Variants in PMPCA observed in about 807,000 individuals in gnomAD.
PMPCA encodes mitochondrial-processing peptidase subunit alpha.
Under a neutral mutation model 59.3 loss-of-function variants are expected in PMPCA, and 47 were observed. The ratio of observed to expected loss-of-function variants is 0.79; its 90% confidence interval spans 0.63 to 1.01. The LOEUF (loss-of-function observed/expected upper bound fraction) is 1.01. PMPCA is among the 50% of genes least tolerant of loss of function. The probability of loss-of-function intolerance (pLI) is 0.00; values close to 1 mark genes in which losing one functional copy is unlikely to be tolerated. For synonymous variants in PMPCA, 338 were observed against 290.3 expected, an observed-to-expected ratio of 1.16 and a Z score of -1.67; for missense variants, 726 against 704.5, an observed-to-expected ratio of 1.03 and a Z score of -0.34.
Position 136,419,091 on chromosome 9 carries a change from C to T in PMPCA, c.1248C>T (p.Gly416=), listed in dbSNP as rs759474079. ...EIITKEFILM[G]GTVDTVELER... ...TCACAAAGGAGTTTATTTTAATGGG[C>T]GGAACCGTGGACACGGTAAGTGCAG... Residue 416 remains glycine, a synonymous_variant, in exon 11 of 13, where the codon GGC becomes GGT. Coordinates refer to ENST00000371717, the MANE Select transcript of PMPCA (RefSeq NM_015160.3). 5.0e-5 allele frequency: 81 copies of T among 1,613,488 alleles called. 1 individual carries two copies. The highest frequency in any genetic ancestry group is 4.9e-4 in the Middle Eastern group (3 of 6,084).
At chr9:136,418,345 A>G (rs1835342639) in intron 8 of PMPCA, among the ~76,000 whole-genome samples, 1 of 150,136 alleles carries the variant, frequency 6.7e-6, no homozygotes, top group Non-Finnish European at 1.5e-5. Flanking sequence ...TGGGTGGCTC[A>G]GCTAGCTCTG....
intron 3 of PMPCA, 61 bp from the exon 4 acceptor site, chr9:136,412,749 A>C: frequency 9.3e-7 from 1 of 1,072,830 alleles, no homozygotes; most frequent in Non-Finnish European, 1.4e-6. Flanking sequence ...TTTTAAAAAA[A>C]AATTGTGTTT....
Position 136,410,663 on chromosome 9 carries a change from C to A in PMPCA, c.-6C>A. On this transcript the variant is annotated 5_prime_UTR_variant, in exon 1 of 13. Coordinates refer to ENST00000371717, the MANE Select transcript of PMPCA (RefSeq NM_015160.3). ...AGTGACGACTGAAGCGGGGCGGAGACGCAAGATGGCGGCTGTGGTGCTGGC... is the reference window on the plus strand; with the variant it reads ...AGTGACGACTGAAGCGGGGCGGAGAAGCAAGATGGCGGCTGTGGTGCTGGC... 7.1e-7 allele frequency: 1 copy of A among 1,399,448 alleles called. No homozygotes were observed. The highest frequency in any genetic ancestry group is 9.3e-7 in the Non-Finnish European group (1 of 1,077,208). The allele number at this position is 1,399,448 out of a possible 1,614,324, so 86.7% of individuals were successfully genotyped here. A position where few individuals can be genotyped will look rare whatever the true frequency, so the allele number is the denominator to read the frequency against.
intron 1 of PMPCA, chr9:136,411,207 T>A (rs1835098379): frequency 6.4e-6 from 1 of 156,844 alleles, no homozygotes; most frequent in Non-Finnish European, 1.4e-5. Context: ...GGCCTGCCTT[T>A]CCCCACGCTG....
intron 11 of PMPCA, 175 bp downstream of exon 11, chr9:136,419,281 C>T: frequency 2.9e-6 from 2 of 694,882 alleles, no homozygotes; most frequent in Admixed American, 4.3e-5. Flanking sequence ...AGCTGCTCCA[C>T]CTGGGAGCCC....
intron 5 of PMPCA, among the ~76,000 whole-genome samples, chr9:136,414,918 T>G (rs966440524): frequency 1.3e-5 from 2 of 151,398 alleles, no homozygotes; most frequent in African/African-American, 2.4e-5. Flanking sequence ...AAACCCTGTC[T>G]CTACAAAAAA....
In PMPCA at chr9:136,414,060, T is replaced by A. The variant is rs564332710; in HGVS notation, c.438-493T>A. Among the ~76,000 whole-genome samples, 187 of 152,312 alleles carry A rather than the reference T, an allele frequency of 1.2e-3. No individual in the cohort carries two copies. The Middle Eastern group carries it at 0.017, about 14-fold the overall frequency. ...AGATGTTACAGTGAGACAAGCTCCA[T>A]ACGAGCCAGCCATTGCTGTCCCCCA... On this transcript the variant is annotated intron_variant, in intron 4 of 12. Coordinates refer to ENST00000371717, the MANE Select transcript of PMPCA (RefSeq NM_015160.3).
Position 136,410,668 on chromosome 9 carries a change from G to T in PMPCA, c.-1G>T. The stretch of plus-strand genomic sequence containing the variant: ...CGACTGAAGCGGGGCGGAGACGCAA[G>T]ATGGCGGCTGTGGTGCTGGCGGCGA... On this transcript the variant is annotated 5_prime_UTR_variant, in exon 1 of 13. Coordinates refer to ENST00000371717, the MANE Select transcript of PMPCA (RefSeq NM_015160.3). 3 of 1,404,844 alleles carry T rather than the reference G, an allele frequency of 2.1e-6. No individual in the cohort carries two copies. The highest frequency in any genetic ancestry group is 2.8e-6 in the Non-Finnish European group (3 of 1,080,328). 87.0% of individuals were successfully genotyped at this position (1,404,844 alleles called of 1,614,324 possible). A position where few individuals can be genotyped will look rare whatever the true frequency, so the allele number is the denominator to read the frequency against.
Position 136,418,123 on chromosome 9 carries a change from C to T in PMPCA, c.990+14C>T, listed in dbSNP as rs527343305. ...TGCTCCTTCCTGGTGAGTCCTGGTGCTGGGTCTGATGGCGTTCCTGATGCA... is the reference window on the plus strand; with the variant it reads ...TGCTCCTTCCTGGTGAGTCCTGGTGTTGGGTCTGATGGCGTTCCTGATGCA... On this transcript the variant is annotated intron_variant, in intron 8 of 12. Coordinates refer to ENST00000371717, the MANE Select transcript of PMPCA (RefSeq NM_015160.3). 6.3e-7 allele frequency: 1 copy of T among 1,582,558 alleles called. No individual in the cohort carries two copies. The highest frequency in any genetic ancestry group is 8.7e-7 in the Non-Finnish European group (1 of 1,151,094).
chr9:136,418,149 G>A (rs1199283519), intron 8 of PMPCA, 40 bp downstream of exon 8: 13 of 1,426,708 alleles, frequency 9.1e-6, no homozygotes, highest in Non-Finnish European at 1.3e-5. Context: ...TCCTGATGCA[G>A]TGTGGCCGGC....
rs753411469 is a variant in PMPCA at position 136,410,730 on chromosome 9, C to T, written c.62C>T (p.Ser21Leu). ...LLRGSGSWGC[S>L]RLRFGPPAYR... ...CGGGGCTCGGGTTCTTGGGGCTGTT[C>T]GCGGCTGAGGTGAGCCAAAGGCGAA... Residue 21 changes from serine to leucine, a missense_variant, in exon 1 of 13, where the codon TCG (serine) becomes TTG (leucine). Physicochemically the swap from Ser to Leu is moderately radical, Grantham distance 145. Coordinates refer to ENST00000371717, the MANE Select transcript of PMPCA (RefSeq NM_015160.3). The T allele has an allele frequency of 7.7e-6, 11 of 1,428,324 alleles. No individual in the cohort carries two copies. The African/African-American group carries it at 1.2e-4, about 15-fold the overall frequency. 88.5% of individuals were successfully genotyped at this position (1,428,324 alleles called of 1,614,324 possible).
chr9:136,418,247 G>A, intron 8 of PMPCA, 138 bp downstream of exon 8: 1 of 700,382 alleles, frequency 1.4e-6, no homozygotes, highest in South Asian at 1.6e-5. Flanking sequence ...TCTGTCCCTG[G>A]CATCCAGCAA....
chr9:136,414,089 C>G (rs534528739), intron 4 of PMPCA, among the ~76,000 whole-genome samples: 1 of 152,324 alleles, frequency 6.6e-6, no homozygotes, highest in African/African-American at 2.4e-5. Context: ...TCCCCCAAGC[C>G]AGCCAAGGCC....
At chr9:136,422,315 C>T (rs140407978) in intron 12 of PMPCA, 12 of 1,207,890 alleles carry the variant, frequency 9.9e-6, no homozygotes, top group Middle Eastern at 2.3e-4. Flanking sequence ...CTACATTGTA[C>T]GTGGAGTAGC....
intron 11 of PMPCA, chr9:136,419,370 ACTT>A (rs1835382202): frequency 1.8e-6 from 1 of 563,824 alleles, no homozygotes; most frequent in South Asian, 2.0e-5. Context: ...TCGGTCCACT[ACTT>A]CTTTCTCTGA....
At position 136,421,922 on chromosome 9, in the gene PMPCA, C is replaced by T; in HGVS notation, c.1354C>T (p.Gln452Ter). The change falls in exon 12 of 13, where the codon CAG (glutamine) becomes TAG (stop). Residue 452 changes from glutamine (Q) to a stop codon, truncating the protein, a stop_gained. Coordinates refer to ENST00000371717, the MANE Select transcript of PMPCA (RefSeq NM_015160.3). LOFTEE classifies it high-confidence loss of function. ...TGTGATCTTCGAGGATGTGGGGAGG[C>T]AGGTGCTGGCCACTCGCTCCAGAAA... is the stretch of plus-strand genomic sequence containing the variant. ...RPVIFEDVGR[Q>*]VLATRSRKLP... 6.2e-7 allele frequency: 1 copy of T among 1,612,514 alleles called. No individual in the cohort carries two copies. Among genetic ancestry groups the T allele is most frequent in the African/African-American group, 1.3e-5 (1 of 75,010 alleles).
At chr9:136,422,281 C>T (rs1339571275) in intron 12 of PMPCA, 11 of 1,295,448 alleles carry the variant, frequency 8.5e-6, no homozygotes, top group Middle Eastern at 2.1e-4. Flanking sequence ...AGTTAGTAGG[C>T]GAGAAGGGCT....
chr9:136,412,562 C>A lies in PMPCA; in HGVS notation c.347C>A (p.Ala116Glu). The A allele has an allele frequency of 6.4e-7, 1 of 1,564,094 alleles. No homozygotes were observed. Among genetic ancestry groups the A allele is most frequent in the Non-Finnish European group, 8.8e-7 (1 of 1,136,750 alleles). The stretch of plus-strand genomic sequence containing the variant: ...ATTGCTCACTTTTTGGAAAAATTGG[C>A]ATTTTCGGTCAGTACCCAGTTTTGT... The part of the protein sequence containing the change: ...SGIAHFLEKL[A>E]FSSTARFDSK... Residue 116 changes from alanine to glutamate, a missense_variant, in exon 3 of 13, where the codon GCA becomes GAA. Transcript: ENST00000371717.
Position 136,423,360 on chromosome 9 carries a change from G to C in PMPCA, c.*96G>C. 1 of 1,313,684 alleles carries C rather than the reference G, an allele frequency of 7.6e-7. No homozygotes were observed. Among genetic ancestry groups the C allele is most frequent in the Non-Finnish European group, 1.0e-6 (1 of 965,728 alleles). The allele number at this position is 1,313,684 out of a possible 1,614,324, so 81.4% of individuals were successfully genotyped here. ...ACGAATTTAGTCTAAAAAGCTGTCT[G>C]GTTGTATAAACGGTGCAAACAATGT... On this transcript the variant is annotated 3_prime_UTR_variant, in exon 13 of 13. Transcript: ENST00000371717.
Sources: gnomAD v4.1 joint callset for allele counts (sites outside exome capture counted in the v4.1 genomes callset) on GRCh38, gnomAD v4.1.1 for gene constraint, MANE v1.5 for transcripts, NCBI Gene and HGNC (gene_info 2026-07-23, HGNC 2026-07-21) for gene names.